Variants in ORM2 observed in about 807,000 individuals in gnomAD.
ORM2 encodes the protein alpha-1-acid glycoprotein 2.
A neutral mutation model predicts 26.8 loss-of-function variants in ORM2; 19 were observed. The ratio of observed to expected loss-of-function variants is 0.71; its 90% CI spans 0.49 to 1.04. ORM2 has a LOEUF of 1.04. Ranked by LOEUF, ORM2 falls within the 50% of genes least tolerant of loss-of-function variation. ORM2 has a pLI of 0.00. For missense variants in ORM2, 259 were observed against 244.9 expected, an observed-to-expected ratio of 1.06 and a Z score of -0.39; for synonymous variants, 94 against 100.0, an observed-to-expected ratio of 0.94 and a Z score of 0.36.
chr9:114,330,758 T>C lies in ORM2; in HGVS notation c.258-34T>C, dbSNP rs372009527. 4 of 1,609,108 alleles carry C rather than the reference T, an allele frequency of 2.5e-6. No individual in the cohort carries two copies. In the South Asian group the frequency reaches 4.4e-5, roughly 18 times the overall value. ...ATTGGCCACTTCTCCTCGATAACATTACTGTTTTTCTTCCGCCTTCTGGTT... is the reference window on the plus strand; with the variant it reads ...ATTGGCCACTTCTCCTCGATAACATCACTGTTTTTCTTCCGCCTTCTGGTT... On this transcript the variant is annotated intron_variant, in intron 2 of 5. Coordinates refer to ENST00000431067, the MANE Select transcript of ORM2 (RefSeq NM_000608.4).
At position 114,330,549 on chromosome 9, in the gene ORM2, C is replaced by G; in HGVS notation, c.230C>G (p.Thr77Arg). The stretch of plus-strand genomic sequence containing the variant: ...TTTACCCCCAACAAGACAGAGGACA[C>G]GATCTTTCTCAGAGAGTACCAGACC... ...FYFTPNKTED[T>R]IFLREYQTRQ... The change falls in exon 2 of 6, where the codon ACG (threonine) becomes AGG (arginine). Residue 77 changes from threonine to arginine, a missense_variant. Physicochemically the swap from Thr to Arg is moderately conservative, Grantham distance 71. Around this residue, in one of 2 missense-constraint regions of ORM2, gnomAD observed 251 missense variants for 220.5 expected, o/e 1.14. Coordinates refer to ENST00000431067, the MANE Select transcript of ORM2 (RefSeq NM_000608.4). 1 of 1,612,794 alleles carries G rather than the reference C, an allele frequency of 6.2e-7. No individual in the cohort carries two copies. Among genetic ancestry groups the G allele is most frequent in the Non-Finnish European group, 8.5e-7 (1 of 1,179,976 alleles).
At chr9:114,332,503 C>G (rs983091709) in intron 5 of ORM2, among the ~76,000 whole-genome samples, 12 of 152,104 alleles carry the variant, frequency 7.9e-5, no homozygotes, top group Non-Finnish European at 1.8e-4. Context: ...TGAGCTGGTT[C>G]CAATTTTTAA....
chr9:114,330,292 G>A, intron 1 of ORM2, 142 bp from the exon 2 acceptor site: 1 of 909,958 alleles, frequency 1.1e-6, no homozygotes, highest in Non-Finnish European at 1.8e-6. Context: ...TCCTCAGGGT[G>A]AGCTCCTGCA....
rs758827221 is a variant in ORM2 at position 114,330,846 on chromosome 9, G to A, written c.312G>A (p.Gly104=). 1.3e-5 allele frequency: 21 copies of A among 1,613,786 alleles called. No individual in the cohort carries two copies. The Admixed American group carries it at 3.2e-4, about 24-fold the overall frequency. The stretch of plus-strand genomic sequence containing the variant: ...ACCTGAATGTCCAGCGGGAGAATGG[G>A]ACCGTCTCCAGATACGGTGAGGGCC... ...SSYLNVQREN[G]TVSRYEGGRE... The change falls in exon 3 of 6, where the codon GGG becomes GGA. Residue 104 remains glycine, a synonymous_variant. Transcript: ENST00000431067.
rs2636887 is a variant in ORM2 at position 114,330,086 on chromosome 9, A to C, written c.114+68A>C. ...GCCTCCCTTCTCTGGGCTTCCCTTT[A>C]CCTGCTGGCTGTGGTCGCACCCCCA... is the stretch of plus-strand genomic sequence containing the variant. On this transcript the variant is annotated intron_variant, in intron 1 of 5. Coordinates refer to ENST00000431067, the MANE Select transcript of ORM2 (RefSeq NM_000608.4). 0.03 allele frequency: 48,419 copies of C among 1,605,250 alleles called. 7,560 individuals carry two copies. The African/African-American group carries it at 0.42, about 14-fold the overall frequency.
In ORM2 at chr9:114,330,837, G is replaced by A. The variant is rs1170071613; in HGVS notation, c.303G>A (p.Arg101=). The A allele has an allele frequency of 1.2e-6, 2 of 1,613,872 alleles. No individual in the cohort carries two copies. The highest frequency in any genetic ancestry group is 1.7e-5 in the Admixed American group (1 of 59,996). ...FYNSSYLNVQ[R]ENGTVSRYEG... ...ACTCCAGTTACCTGAATGTCCAGCG[G>A]GAGAATGGGACCGTCTCCAGATACG... Residue 101 remains arginine (R), a synonymous_variant, in exon 3 of 6, where the codon CGG becomes CGA. Transcript: ENST00000431067.
chr9:114,330,624 A>T lies in ORM2; in HGVS notation c.257+48A>T. 5 of 1,606,676 alleles carry T rather than the reference A, an allele frequency of 3.1e-6. No homozygotes were observed. In the South Asian group the frequency reaches 5.5e-5, roughly 18 times the overall value. ...ACCCCCATCTCAGCTTCTGGCCAGA[A>T]GACCTGAGCAAGTCCCTCCTTCTTC... On this transcript the variant is annotated intron_variant, in intron 2 of 5. Coordinates refer to ENST00000431067, the MANE Select transcript of ORM2 (RefSeq NM_000608.4).
In ORM2 at chr9:114,331,671, T is replaced by C. The variant is rs141873690; in HGVS notation, c.433T>C (p.Tyr145His). ...DDEKNWGLSFYADKPETTKEQ... is the reference protein window; with the variant it reads ...DDEKNWGLSFHADKPETTKEQ... ...TGAGAAGAACTGGGGGCTGTCTTTCTATGGTAGGCATGCTTAGCAGCCCCA... is the reference window on the plus strand; with the variant it reads ...TGAGAAGAACTGGGGGCTGTCTTTCCATGGTAGGCATGCTTAGCAGCCCCA... Residue 145 changes from tyrosine to histidine, a missense_variant, in exon 4 of 6, where the codon TAT becomes CAT. Around this residue, in one of 2 missense-constraint regions of ORM2, gnomAD observed 251 missense variants for 220.5 expected, o/e 1.14. Transcript: ENST00000431067. 7.4e-6 allele frequency: 12 copies of C among 1,613,062 alleles called. No homozygotes were observed. The highest frequency in any genetic ancestry group is 1.0e-5 in the Non-Finnish European group (12 of 1,179,242).
Position 114,331,609 on chromosome 9 carries a change from A to T in ORM2, c.371A>T (p.Asp124Val), listed in dbSNP as rs776088063. Residue 124 changes from aspartate (D) to valine (V), a missense_variant, in exon 4 of 6, where the codon GAC (aspartate) becomes GTC (valine). By Grantham distance (152) the Asp-to-Val change is radical. This residue lies in a region of ORM2 where 251 missense variants were observed against 220.5 expected (regional missense o/e 1.14). Coordinates refer to ENST00000431067, the MANE Select transcript of ORM2 (RefSeq NM_000608.4). ...GTTGCTCACCTGCTGTTCCTTAGGGACACCAAGACCTTGATGTTTGGTTCC... is the reference window on the plus strand; with the variant it reads ...GTTGCTCACCTGCTGTTCCTTAGGGTCACCAAGACCTTGATGTTTGGTTCC... ...EHVAHLLFLR[D>V]TKTLMFGSYL... is the part of the protein sequence containing the mutation. 6.2e-7 allele frequency: 1 copy of T among 1,613,904 alleles called. No individual in the cohort carries two copies. Among genetic ancestry groups the T allele is most frequent in the South Asian group, 1.1e-5 (1 of 91,062 alleles).
chr9:114,331,463 T>C, intron 3 of ORM2, 104 bp from the exon 4 acceptor site: 1 of 914,384 alleles, frequency 1.1e-6, no homozygotes, highest in Non-Finnish European at 1.7e-6. Flanking sequence ...GGGCCTTCAC[T>C]GATGGGCTTT....
chr9:114,331,679 G>A lies in ORM2; in HGVS notation c.436+5G>A. 6.2e-7 allele frequency: 1 copy of A among 1,610,772 alleles called. No homozygotes were observed. On this transcript the variant is annotated splice_donor_5th_base_variant and intron_variant, in intron 4 of 5. Coordinates refer to ENST00000431067, the MANE Select transcript of ORM2 (RefSeq NM_000608.4). ...ACTGGGGGCTGTCTTTCTATGGTAGGCATGCTTAGCAGCCCCAAACTCATG... is the reference window on the plus strand; with the variant it reads ...ACTGGGGGCTGTCTTTCTATGGTAGACATGCTTAGCAGCCCCAAACTCATG...
At chr9:114,331,333 G>C (rs1383420156) in intron 3 of ORM2, among the ~76,000 whole-genome samples, 1 of 152,076 alleles carries the variant, frequency 6.6e-6, no homozygotes, top group African/African-American at 2.4e-5. Flanking sequence ...GTAAAACGGG[G>C]AGAAAGGCCC....
intron 5 of ORM2, among the ~76,000 whole-genome samples, chr9:114,332,275 A>G (rs1040094157): frequency 2.0e-5 from 3 of 151,816 alleles, no homozygotes; most frequent in African/African-American, 7.3e-5. Context: ...CCCCACCTCC[A>G]CTCCCCGCTC....
intron 2 of ORM2, 102 bp downstream of exon 2, chr9:114,330,678 C>G: frequency 6.2e-7 from 1 of 1,600,278 alleles, no homozygotes; most frequent in Non-Finnish European, 8.6e-7. Context: ...TGGGTGGAAC[C>G]GGGAGGGTTG....
At chr9:114,330,108 C>T (rs1342373913) in intron 1 of ORM2, 90 bp downstream of exon 1, 3 of 1,609,480 alleles carry the variant, frequency 1.9e-6, no homozygotes, top group Non-Finnish European at 1.7e-6. Flanking sequence ...TGGTCGCACC[C>T]CCACTCCCAG....
intron 2 of ORM2, 25 bp downstream of exon 2, chr9:114,330,601 C>A: frequency 6.2e-7 from 1 of 1,610,782 alleles, no homozygotes; most frequent in Non-Finnish European, 8.5e-7. Context: ...TCCAATGCAC[C>A]CCCATCTCAG....
chr9:114,331,673 T>A lies in ORM2; in HGVS notation c.435T>A (p.Tyr145Ter). The A allele has an allele frequency of 1.2e-6, 2 of 1,612,802 alleles. No homozygotes were observed. The highest frequency in any genetic ancestry group is 3.3e-5 in the Admixed American group (2 of 60,012). Residue 145 changes from tyrosine to a stop codon, truncating the protein, a stop_gained and splice_region_variant, in exon 4 of 6, where the codon TAT becomes TAA. Transcript: ENST00000431067. LOFTEE classifies it high-confidence loss of function. ...DDEKNWGLSF[Y>*]ADKPETTKEQ... Reference sequence around the variant, plus strand: ...AGAAGAACTGGGGGCTGTCTTTCTATGGTAGGCATGCTTAGCAGCCCCAAA... The same window carrying A: ...AGAAGAACTGGGGGCTGTCTTTCTAAGGTAGGCATGCTTAGCAGCCCCAAA...
intron 5 of ORM2, among the ~76,000 whole-genome samples, chr9:114,332,243 C>T (rs541668500): frequency 1.6e-4 from 24 of 152,022 alleles, no homozygotes; most frequent in South Asian, 2.1e-4. Flanking sequence ...CCTACAGACG[C>T]GTCCCAAACC....
At chr9:114,332,958 G>C (rs1216433401) in intron 5 of ORM2, 111 bp from the exon 6 acceptor site, 1 of 1,540,590 alleles carries the variant, frequency 6.5e-7, no homozygotes, top group African/African-American at 1.4e-5. Context: ...TGGAGCCCTG[G>C]TTGAGCTGGT....
Sources: gnomAD v4.1 joint callset for allele counts (sites outside exome capture counted in the v4.1 genomes callset) on GRCh38, gnomAD v4.1.1 for gene constraint, gnomAD v4.1.1 regional missense constraint, MANE v1.5 for transcripts, NCBI Gene and HGNC (gene_info 2026-07-23, HGNC 2026-07-21) for gene names.